SLC44A1: variants seen among roughly 807,000 people sequenced by gnomAD.
The protein encoded by SLC44A1 is choline transporter-like protein 1.
Under a neutral mutation model 79.3 loss-of-function variants are expected in SLC44A1, and 26 were observed. That is an observed-to-expected ratio of 0.33 (90% CI 0.24 to 0.46). The LOEUF is 0.46. SLC44A1 is among the 20% of genes least tolerant of loss of function. The probability of loss-of-function intolerance (pLI) is 1.00; values close to 1 mark genes in which losing one functional copy is unlikely to be tolerated. For missense variants in SLC44A1, 688 were observed against 798.1 expected (o/e 0.86, Z 1.66); for synonymous variants, 263 against 286.2 (o/e 0.92, Z 0.82).
rs2131483761 is a variant in SLC44A1, at chr9:105,391,870, T to C, written c.*2814T>C. On this transcript the variant is annotated 3_prime_UTR_variant, in exon 16 of 16. Transcript: ENST00000374720. The stretch of plus-strand genomic sequence containing the variant: ...CTTCTGTGGTGAATCTTCAAAACTG[T>C]ATTCAGGACTCATATTTCTAGAGTT... The C allele has an allele frequency of 4.1e-6, 4 of 985,374 alleles. No homozygotes were observed. Among genetic ancestry groups the C allele is most frequent in the Non-Finnish European group, 4.8e-6 (4 of 829,894 alleles). The allele number at this position is 985,374 out of a possible 1,614,324, so 61.0% of individuals were successfully genotyped here. A position where few individuals can be genotyped will look rare whatever the true frequency, so the allele number is the denominator to read the frequency against.
At chr9:105,250,034 T>G (rs933470114) in intron 1 of SLC44A1, among the ~76,000 whole-genome samples, 3 of 151,610 alleles carry the variant, frequency 2.0e-5, no homozygotes, top group Non-Finnish European at 4.4e-5. Flanking sequence ...GCCTGGCTAT[T>G]TTTTTAATGT....
At chr9:105,349,292 G>T (rs1352861512) in intron 5 of SLC44A1, among the ~76,000 whole-genome samples, 1 of 151,966 alleles carries the variant, frequency 6.6e-6, no homozygotes, top group East Asian at 1.9e-4. Context: ...ATGTACTTGA[G>T]GCCACTTTAA....
intron 1 of SLC44A1, among the ~76,000 whole-genome samples, chr9:105,277,796 A>G (rs1022758481): frequency 6.6e-6 from 1 of 152,190 alleles, no homozygotes; most frequent in Non-Finnish European, 1.5e-5. Flanking sequence ...TGTTAGTGGC[A>G]GTTCTGTTGT....
At chr9:105,285,496 G>A (rs1830453107) in intron 1 of SLC44A1, among the ~76,000 whole-genome samples, 1 of 152,188 alleles carries the variant, frequency 6.6e-6, no homozygotes, top group South Asian at 2.1e-4. Context: ...CATGTGAAGA[G>A]ACCACCAAAC....
Position 105,356,299 on chromosome 9 carries a change from T to C in SLC44A1, c.588T>C (p.Ser196=). The C allele has an allele frequency of 6.2e-7, 1 of 1,612,734 alleles. No homozygotes were observed. The highest frequency in any genetic ancestry group is 8.5e-7 in the Non-Finnish European group (1 of 1,178,736). The change falls in exon 6 of 16, where the codon AGT becomes AGC. Residue 196 remains serine (S), a synonymous_variant. Coordinates refer to ENST00000374720, the MANE Select transcript of SLC44A1 (RefSeq NM_080546.5). ...CAGAGGCCCTGATCACCTTTGTCAG[T>C]GACAATAGTGTCTTACACAGGCTGA... The part of the protein sequence containing the change: ...KFAEALITFV[S]DNSVLHRLIS...
intron 1 of SLC44A1, among the ~76,000 whole-genome samples, chr9:105,256,565 C>CT (rs71501462): frequency 0.15 from 20,054 of 136,146 alleles, 1,947 homozygotes; most frequent in African/African-American, 0.27. Flanking sequence ...GCTGGAAACT[C>CT]TTTTTTTTTT....
chr9:105,259,343 AG>A lies in SLC44A1; in HGVS notation c.36+14442del, dbSNP rs374302513. On this transcript the variant is annotated intron_variant, in intron 1 of 15. Transcript: ENST00000374720. The stretch of plus-strand genomic sequence containing the variant: ...TCTTTGGAGATTCATGGCCTTCGAA[AG>A]GGTTAATATAATTGATGCTTGTGTT... 4.3e-3 allele frequency among the ~76,000 whole-genome samples: 654 copies of A among 152,298 alleles called. 5 individuals carry two copies. The highest frequency in any genetic ancestry group is 5.2e-3 in the Non-Finnish European group (355 of 68,018).
chr9:105,428,807 C>T (rs554770038), intron 15 of SLC44A1, among the ~76,000 whole-genome samples: 1 of 152,334 alleles, frequency 6.6e-6, no homozygotes, highest in South Asian at 2.1e-4. Context: ...TTAAGCGATT[C>T]TCCTGCCTCA....
intron 15 of SLC44A1, among the ~76,000 whole-genome samples, chr9:105,411,446 C>CTGTGTG (rs1156343764): frequency 7.3e-4 from 104 of 142,782 alleles, no homozygotes; most frequent in African/African-American, 2.7e-3. Flanking sequence ...TGGTCTCTCT[C>CTGTGTG]TGTGTATGTG....
At chr9:105,424,490 C>T (rs557776054) in intron 15 of SLC44A1, among the ~76,000 whole-genome samples, 1 of 152,246 alleles carries the variant, frequency 6.6e-6, no homozygotes, top group South Asian at 2.1e-4. Flanking sequence ...TTGCCTCAGA[C>T]CTCACTAATG....
intron 1 of SLC44A1, among the ~76,000 whole-genome samples, chr9:105,257,668 T>A (rs1167072253): frequency 6.6e-6 from 1 of 152,202 alleles, no homozygotes; most frequent in Admixed American, 6.5e-5. Flanking sequence ...GTTGGCTTCC[T>A]GAAAATGATT....
At chr9:105,373,012 GA>G (rs1003561081) in intron 12 of SLC44A1, among the ~76,000 whole-genome samples, 2 of 151,400 alleles carry the variant, frequency 1.3e-5, no homozygotes, top group African/African-American at 4.8e-5. Flanking sequence ...CTTTGGCTCT[GA>G]AATGTTCTGC....
At chr9:105,436,212 A>C (rs945930702) in intron 15 of SLC44A1, among the ~76,000 whole-genome samples, 1 of 152,202 alleles carries the variant, frequency 6.6e-6, no homozygotes, top group Non-Finnish European at 1.5e-5. Context: ...ACAGAAAACA[A>C]AAAAAAGTTT....
intron 15 of SLC44A1, among the ~76,000 whole-genome samples, chr9:105,416,405 G>A (rs1226810883): frequency 6.6e-6 from 1 of 152,128 alleles, no homozygotes; most frequent in Non-Finnish European, 1.5e-5. Context: ...GTTGAGGGAT[G>A]GAGAGGGGAT....
rs189824516 is a variant in SLC44A1, at chr9:105,360,390, T to C, written c.761-801T>C. Among the ~76,000 whole-genome samples, 19 of 152,368 alleles carry C rather than the reference T, an allele frequency of 1.2e-4. 1 individual carries two copies. Among genetic ancestry groups the C allele is most frequent in the Admixed American group, 1.2e-3 (19 of 15,296 alleles). On this transcript the variant is annotated intron_variant, in intron 7 of 15. Transcript: ENST00000374720. ...ATATACTGTATTTTTCCTTGTTTTC[T>C]TATTTTTTTGTTTCCCTATTATTAT...
At chr9:105,303,230 TA>T (rs1237543794) in intron 2 of SLC44A1, among the ~76,000 whole-genome samples, 1 of 151,744 alleles carries the variant, frequency 6.6e-6, no homozygotes, top group African/African-American at 2.4e-5. Flanking sequence ...TACTCCCTGG[TA>T]AAAATAACTT....
At chr9:105,384,168 TTAA>T (rs1322346707) in intron 14 of SLC44A1, among the ~76,000 whole-genome samples, 1 of 152,112 alleles carries the variant, frequency 6.6e-6, no homozygotes, top group Non-Finnish European at 1.5e-5. Context: ...AATAAGTGTA[TTAA>T]TAAATAAGCT....
rs926555644 is a variant in SLC44A1 at position 105,396,623 on chromosome 9, A to C, written c.*7567A>C. 2 of 985,328 alleles carry C rather than the reference A, an allele frequency of 2.0e-6. No individual in the cohort carries two copies. Among genetic ancestry groups the C allele is most frequent in the African/African-American group, 3.5e-5 (2 of 57,234 alleles). 61.0% of individuals were successfully genotyped at this position (985,328 alleles called of 1,614,324 possible). A position where few individuals can be genotyped will look rare whatever the true frequency, so the allele number is the denominator to read the frequency against. ...CAGCATATGGGGTGATATGAGCAGA[A>C]AACACACATCGGTGTGTCTTGATTT... is the stretch of plus-strand genomic sequence containing the variant. On this transcript the variant is annotated 3_prime_UTR_variant, in exon 16 of 16. Coordinates refer to ENST00000374720, the MANE Select transcript of SLC44A1 (RefSeq NM_080546.5).
At chr9:105,410,268 G>T (rs932489296) in intron 15 of SLC44A1, among the ~76,000 whole-genome samples, 2 of 152,012 alleles carry the variant, frequency 1.3e-5, no homozygotes, top group Admixed American at 6.6e-5. Flanking sequence ...TGCCTCAAGG[G>T]ACATAATCAA....
Sources: gnomAD v4.1 joint callset for allele counts (sites outside exome capture counted in the v4.1 genomes callset) on GRCh38, gnomAD v4.1.1 for gene constraint, MANE v1.5 for transcripts, NCBI Gene and HGNC (gene_info 2026-07-23, HGNC 2026-07-21) for gene names.